ZNF385D: variants seen among roughly 807,000 people sequenced by gnomAD.
ZNF385D encodes the protein zinc finger protein 659.
A neutral mutation model predicts 35.8 loss-of-function variants in ZNF385D; 15 were observed. The observed-to-expected ratio is 0.42, with a 90% CI of 0.28 to 0.64. The LOEUF (loss-of-function observed/expected upper bound fraction) is 0.64. Among genes scored for constraint, ZNF385D ranks in the 30% least tolerant of loss-of-function variants. ZNF385D has a pLI of 0.23. For missense variants in ZNF385D, 474 were observed against 494.6 expected (o/e 0.96, Z 0.39); for synonymous variants, 212 against 186.8 (o/e 1.13, Z -1.10).
chr3:21,801,909 C>G (rs893438518), intron 3 of ZNF385D, among the ~76,000 whole-genome samples: 2 of 152,130 alleles, frequency 1.3e-5, no homozygotes, highest in African/African-American at 4.8e-5. Flanking sequence ...CTTTCTGGCC[C>G]ATTGATTGTT....
chr3:21,647,312 T>C (rs2065779857), intron 2 of ZNF385D, among the ~76,000 whole-genome samples: 1 of 152,002 alleles, frequency 6.6e-6, no homozygotes, highest in African/African-American at 2.4e-5. Flanking sequence ...AGTGAATTAA[T>C]TAATCCATCC....
At chr3:21,691,509 G>C (rs187435319) in intron 1 of ZNF385D, among the ~76,000 whole-genome samples, 2 of 151,934 alleles carry the variant, frequency 1.3e-5, no homozygotes. Flanking sequence ...CCAAATATTT[G>C]TGCCCAACCT....
chr3:22,216,128 G>C (rs1163084635), intron 2 of ZNF385D, among the ~76,000 whole-genome samples: 2 of 151,818 alleles, frequency 1.3e-5, no homozygotes, highest in Non-Finnish European at 2.9e-5. Context: ...TTAAAATTTA[G>C]ATTATTTCCT....
chr3:21,919,798 A>G (rs1194138044), intron 3 of ZNF385D, among the ~76,000 whole-genome samples: 1 of 152,232 alleles, frequency 6.6e-6, no homozygotes, highest in Non-Finnish European at 1.5e-5. Flanking sequence ...CTTTTCTAGC[A>G]TCTTCCATTT....
At chr3:22,002,695 A>G in intron 3 of ZNF385D, among the ~76,000 whole-genome samples, 1 of 152,186 alleles carries the variant, frequency 6.6e-6, no homozygotes, top group Non-Finnish European at 1.5e-5. Flanking sequence ...TCTTCAGGAA[A>G]ATACTAGCAA....
chr3:21,992,427 G>A (rs997283963), intron 3 of ZNF385D, among the ~76,000 whole-genome samples: 3 of 152,080 alleles, frequency 2.0e-5, no homozygotes, highest in East Asian at 1.9e-4. Context: ...TGAGTTAGAA[G>A]CAAAATAGCA....
intron 3 of ZNF385D, among the ~76,000 whole-genome samples, chr3:22,124,426 T>C (rs1703306976): frequency 6.6e-6 from 1 of 152,116 alleles, no homozygotes; most frequent in African/African-American, 2.4e-5. Context: ...CTGATTTCCT[T>C]TTTAGGGTAT....
At chr3:21,968,164 G>C (rs1314755334) in intron 3 of ZNF385D, among the ~76,000 whole-genome samples, 1 of 152,150 alleles carries the variant, frequency 6.6e-6, no homozygotes, top group Non-Finnish European at 1.5e-5. Context: ...AGTCACAGCG[G>C]AAAGCAACAT....
chr3:21,994,675 TGGACTGGCTTTTACA>T (rs1434954674), intron 3 of ZNF385D, among the ~76,000 whole-genome samples: 1 of 152,234 alleles, frequency 6.6e-6, no homozygotes, highest in Admixed American at 6.5e-5. Flanking sequence ...CCCAATTTTC[TGGACTGGCTTTTACA>T]GGGAAAGACT....
chr3:22,338,422 G>T (rs369845512), intron 2 of ZNF385D, among the ~76,000 whole-genome samples: 1 of 152,100 alleles, frequency 6.6e-6, no homozygotes, highest in Non-Finnish European at 1.5e-5. Context: ...AGTAATTGAA[G>T]ACCTATGTAG....
chr3:22,160,918 T>C (rs112311596), intron 3 of ZNF385D, among the ~76,000 whole-genome samples: 3 of 152,228 alleles, frequency 2.0e-5, no homozygotes, highest in South Asian at 2.1e-4. Context: ...ACTGAATTAA[T>C]TTGCCATAGA....
chr3:22,064,589 T>C (rs1699838234), intron 3 of ZNF385D, among the ~76,000 whole-genome samples: 1 of 152,182 alleles, frequency 6.6e-6, no homozygotes, highest in African/African-American at 2.4e-5. Context: ...ATATCCACAA[T>C]GGATTGCTAT....
intron 3 of ZNF385D, among the ~76,000 whole-genome samples, chr3:21,976,864 T>G (rs866660135): frequency 7.2e-5 from 11 of 152,156 alleles, no homozygotes; most frequent in Middle Eastern, 3.2e-3. Flanking sequence ...GTTGCATGCC[T>G]GTAATCCCAG....
chr3:21,525,846 C>G (rs1370464858), intron 3 of ZNF385D, among the ~76,000 whole-genome samples: 3 of 152,034 alleles, frequency 2.0e-5, no homozygotes, highest in Non-Finnish European at 2.9e-5. Context: ...CATTTTATGA[C>G]AAATTGAGAC....
chr3:22,359,894 A>T (rs1696336403), intron 2 of ZNF385D, among the ~76,000 whole-genome samples: 1 of 151,908 alleles, frequency 6.6e-6, no homozygotes, highest in African/African-American at 2.4e-5. Flanking sequence ...AGAGAATTAG[A>T]TATACATACT....
intron 3 of ZNF385D, among the ~76,000 whole-genome samples, chr3:21,821,642 A>C (rs530402675): frequency 2.0e-5 from 3 of 152,308 alleles, no homozygotes; most frequent in African/African-American, 7.2e-5. Context: ...AATGTAAATT[A>C]AAATCACAAG....
chr3:21,978,888 T>G (rs1694224405), intron 3 of ZNF385D, among the ~76,000 whole-genome samples: 1 of 152,090 alleles, frequency 6.6e-6, no homozygotes, highest in African/African-American at 2.4e-5. Flanking sequence ...TAAAAAAAAT[T>G]TACTTTTCCC....
chr3:22,335,838 G>A (rs1245185177), intron 2 of ZNF385D, among the ~76,000 whole-genome samples: 1 of 151,874 alleles, frequency 6.6e-6, no homozygotes, highest in African/African-American at 2.4e-5. Flanking sequence ...ACCTTTATTA[G>A]GTAGTCTATA....
intron 3 of ZNF385D, among the ~76,000 whole-genome samples, chr3:22,121,052 T>A (rs959452631): frequency 6.6e-6 from 1 of 152,220 alleles, no homozygotes; most frequent in Admixed American, 6.5e-5. Context: ...TATTTTTATT[T>A]AAAGACAGCC....
Sources: gnomAD v4.1 joint callset for allele counts (sites outside exome capture counted in the v4.1 genomes callset) on GRCh38, gnomAD v4.1.1 for gene constraint, MANE v1.5 for transcripts, NCBI Gene and HGNC (gene_info 2026-07-23, HGNC 2026-07-21) for gene names.